The following MBTD1 variants were observed in gnomAD, a reference collection of about 807,000 sequenced individuals.
MBTD1 encodes the protein MBT domain-containing protein 1.
MBTD1 carries 24 observed loss-of-function variants against 87.8 expected under a neutral mutation model. The ratio of observed to expected loss-of-function variants is 0.27; its 90% confidence interval spans 0.20 to 0.38. The LOEUF (loss-of-function observed/expected upper bound fraction) is 0.38, where lower values mean the gene tolerates loss of function less well. Among genes scored for constraint, MBTD1 ranks in the 10% least tolerant of loss-of-function variants. The pLI is 1.00. For synonymous variants in MBTD1, 237 were observed against 248.6 expected (o/e 0.95, Z 0.44); for missense variants, 436 against 760.2 (o/e 0.57, Z 5.02).
intron 6 of MBTD1, among the ~76,000 whole-genome samples, chr17:51,216,426 C>T (rs933781807): frequency 1.3e-5 from 2 of 152,150 alleles, no homozygotes; most frequent in African/African-American, 4.8e-5. Flanking sequence ...AAGAACTTGT[C>T]ATCAGATAAA....
chr17:51,210,525 G>T (rs934433880), intron 6 of MBTD1, among the ~76,000 whole-genome samples: 6 of 151,624 alleles, frequency 4.0e-5, no homozygotes. Context: ...GGAGGCTGAG[G>T]CAGGTGGATC....
At chr17:51,186,770 G>A (rs1201682341) in intron 16 of MBTD1, among the ~76,000 whole-genome samples, 4 of 149,336 alleles carry the variant, frequency 2.7e-5, no homozygotes, top group African/African-American at 7.4e-5. Flanking sequence ...CAAGACTCTC[G>A]TCTCAAAAAA....
chr17:51,238,398 A>G (rs1399441522), intron 2 of MBTD1, among the ~76,000 whole-genome samples: 1 of 152,220 alleles, frequency 6.6e-6, no homozygotes, highest in East Asian at 1.9e-4. Flanking sequence ...TTATAACATC[A>G]AAGTAACCAA....
chr17:51,238,119 T>C (rs2053956733), intron 2 of MBTD1, among the ~76,000 whole-genome samples: 1 of 152,074 alleles, frequency 6.6e-6, no homozygotes, highest in Non-Finnish European at 1.5e-5. Flanking sequence ...AGGGGAGTTA[T>C]AAAGGAGCAT....
chr17:51,190,750 A>AAAATATAT (rs1555677185), intron 16 of MBTD1, among the ~76,000 whole-genome samples: 5 of 39,712 alleles, frequency 1.3e-4, no homozygotes, highest in African/African-American at 4.6e-4. Context: ...AAAAAAAAAA[A>AAAATATAT]ATATATATAT....
chr17:51,260,829 A>G, upstream of MBTD1: 1 of 1,596,724 alleles, frequency 6.3e-7, no homozygotes, highest in Admixed American at 1.7e-5. Flanking sequence ...AGGCTGGAGG[A>G]GGACAAACCG....
chr17:51,190,412 T>TA (rs1420683900), intron 16 of MBTD1, among the ~76,000 whole-genome samples: 2 of 151,908 alleles, frequency 1.3e-5, no homozygotes, highest in African/African-American at 4.8e-5. Context: ...CAGTCCAATT[T>TA]AAAAAATATC....
intron 12 of MBTD1, among the ~76,000 whole-genome samples, chr17:51,201,035 C>T (rs933044230): frequency 5.3e-5 from 8 of 151,974 alleles, no homozygotes; most frequent in African/African-American, 1.9e-4. Context: ...CACCTGTGAT[C>T]CCAGCCACTC....
intron 6 of MBTD1, among the ~76,000 whole-genome samples, chr17:51,213,859 T>C (rs1280427090): frequency 1.3e-5 from 2 of 151,960 alleles, no homozygotes; most frequent in African/African-American, 2.4e-5. Flanking sequence ...TCCTGTGTTC[T>C]GAGGTCTAAG....
intron 16 of MBTD1, chr17:51,184,789 G>A (rs1419659505): frequency 6.6e-6 from 1 of 152,144 alleles, no homozygotes; most frequent in Non-Finnish European, 1.5e-5. Flanking sequence ...ATTAAGTAAT[G>A]CAAGACTATT....
intron 16 of MBTD1, among the ~76,000 whole-genome samples, chr17:51,186,768 T>A (rs1157005603): frequency 6.7e-6 from 1 of 149,740 alleles, no homozygotes; most frequent in Non-Finnish European, 1.5e-5. Context: ...AGCAAGACTC[T>A]CGTCTCAAAA....
chr17:51,191,583 AT>A (rs11300283), intron 16 of MBTD1: 54,867 of 139,334 alleles, frequency 0.39, 10,513 homozygotes, highest in Non-Finnish European at 0.47. Flanking sequence ...GCATCTGCTA[AT>A]TTTTTTTTTT....
At chr17:51,249,672 T>G (rs1013192925) in intron 2 of MBTD1, 3 of 152,224 alleles carry the variant, frequency 2.0e-5, no homozygotes, top group Non-Finnish European at 4.4e-5. Flanking sequence ...CATTATGTAC[T>G]GTATACTTTT....
At position 51,217,352 on chromosome 17, in the gene MBTD1, C is replaced by T. The variant is rs910545700; in HGVS notation, c.468G>A (p.Pro156=). Residue 156 remains proline (P), a synonymous_variant, in exon 6 of 17, where the codon CCG becomes CCA. Transcript: ENST00000586178. ...TACTTACATGTTTAAAACAGGTAAC[C>T]GGAGCTGCTATAAAGCTATTGCTAT... is the stretch of plus-strand genomic sequence containing the variant. ...YINSNSFIAA[P]VTCFKHAPMG... 2.9e-5 allele frequency: 45 copies of T among 1,535,364 alleles called. No individual in the cohort carries two copies. Among genetic ancestry groups the T allele is most frequent in the Middle Eastern group, 1.7e-4 (1 of 5,980 alleles).
intron 2 of MBTD1, among the ~76,000 whole-genome samples, chr17:51,227,251 A>AAT (rs574295877): frequency 0.014 from 527 of 38,300 alleles, 5 homozygotes; most frequent in African/African-American, 0.039. Context: ...CCAAAAAAAA[A>AAT]AAAAAAAAAA....
At chr17:51,201,407 T>C (rs1355510227) in intron 12 of MBTD1, among the ~76,000 whole-genome samples, 185 bp downstream of exon 12, 1 of 152,218 alleles carries the variant, frequency 6.6e-6, no homozygotes, top group Admixed American at 6.6e-5. Flanking sequence ...AATGACAATC[T>C]TGACAATAAA....
intron 2 of MBTD1, chr17:51,256,276 G>A (rs1477728236): frequency 6.6e-6 from 1 of 152,224 alleles, no homozygotes; most frequent in Non-Finnish European, 1.5e-5. Flanking sequence ...GATGAGGAAA[G>A]TGAAGCTTTC....
chr17:51,220,617 C>G (rs2052830640), intron 3 of MBTD1, among the ~76,000 whole-genome samples, 154 bp from the exon 4 acceptor site: 1 of 152,166 alleles, frequency 6.6e-6, no homozygotes, highest in South Asian at 2.1e-4. Context: ...GATAAAGAAG[C>G]CTGCACAGAG....
chr17:51,224,077 G>A (rs1362470340), intron 3 of MBTD1, among the ~76,000 whole-genome samples: 3 of 152,194 alleles, frequency 2.0e-5, no homozygotes, highest in Non-Finnish European at 4.4e-5. Flanking sequence ...GGAGATAAAG[G>A]TTGAATGATC....
Sources: gnomAD v4.1 joint callset for allele counts (sites outside exome capture counted in the v4.1 genomes callset) on GRCh38, gnomAD v4.1.1 for gene constraint, MANE v1.5 for transcripts, NCBI Gene and HGNC (gene_info 2026-07-23, HGNC 2026-07-21) for gene names.